The following DLGAP2 variants were observed in gnomAD, a reference collection of about 807,000 sequenced individuals.
DLGAP2 encodes the protein disks large-associated protein 2.
Under a neutral mutation model 100.3 loss-of-function variants are expected in DLGAP2, and 26 were observed. That is an observed-to-expected ratio of 0.26 (90% CI 0.19 to 0.36). The LOEUF (loss-of-function observed/expected upper bound fraction) is 0.36, where lower values mean the gene tolerates loss of function less well. DLGAP2 is among the 10% of genes least tolerant of loss of function. The pLI is 1.00. For synonymous variants in DLGAP2, 886 were observed against 630.1 expected (o/e 1.41, Z -6.08); for missense variants, 1,858 against 1,453.2 (o/e 1.28, Z -4.53).
At chr8:1,689,111 G>A (rs1478500285) in intron 12 of DLGAP2, among the ~76,000 whole-genome samples, 1 of 152,162 alleles carries the variant, frequency 6.6e-6, no homozygotes, top group Non-Finnish European at 1.5e-5. Flanking sequence ...GAGCTGTTGT[G>A]GAAGAACCTA....
intron 3 of DLGAP2, among the ~76,000 whole-genome samples, chr8:1,273,604 C>T (rs935138044): frequency 1.3e-5 from 2 of 152,198 alleles, no homozygotes; most frequent in African/African-American, 2.4e-5. Flanking sequence ...AGAGGCAGCT[C>T]CATCCTTCCC....
intron 3 of DLGAP2, among the ~76,000 whole-genome samples, chr8:1,336,170 C>T (rs1801268672): frequency 6.6e-6 from 1 of 152,266 alleles, no homozygotes; most frequent in Admixed American, 6.5e-5. Flanking sequence ...TGGATTCGTT[C>T]TGAGCATTAA....
intron 3 of DLGAP2, among the ~76,000 whole-genome samples, chr8:1,423,660 C>A (rs4876043): frequency 0.2 from 29,914 of 152,134 alleles, 3,586 homozygotes; most frequent in Non-Finnish European, 0.27. Flanking sequence ...GGAGGAATTG[C>A]TCTGTGCGTT....
chr8:1,520,506 T>G (rs1800556735), intron 4 of DLGAP2, among the ~76,000 whole-genome samples: 1 of 152,006 alleles, frequency 6.6e-6, no homozygotes, highest in South Asian at 2.1e-4. Context: ...TTTGGACGAG[T>G]GTTTAATGGT....
chr8:1,209,289 G>C (rs1798057708), intron 2 of DLGAP2, among the ~76,000 whole-genome samples: 1 of 152,152 alleles, frequency 6.6e-6, no homozygotes, highest in Non-Finnish European at 1.5e-5. Context: ...GCATGGTACT[G>C]GCATAAAAAT....
chr8:1,344,420 T>C (rs896889628), intron 3 of DLGAP2, among the ~76,000 whole-genome samples: 5 of 152,188 alleles, frequency 3.3e-5, no homozygotes, highest in African/African-American at 1.2e-4. Context: ...GCAGCTGCTC[T>C]CCAGATTAGG....
chr8:1,552,365 A>C (rs768063619), intron 5 of DLGAP2, among the ~76,000 whole-genome samples: 1 of 152,180 alleles, frequency 6.6e-6, no homozygotes, highest in Non-Finnish European at 1.5e-5. Flanking sequence ...TCTTCGGGGC[A>C]TGCAGCTCGG....
At chr8:1,411,289 T>G (rs1300375501) in intron 3 of DLGAP2, among the ~76,000 whole-genome samples, 1 of 152,236 alleles carries the variant, frequency 6.6e-6, no homozygotes, top group African/African-American at 2.4e-5. Flanking sequence ...CTATAATAAG[T>G]CAAAGAAAAC....
chr8:1,162,679 T>C (rs1436636058), intron 2 of DLGAP2, among the ~76,000 whole-genome samples: 1 of 152,250 alleles, frequency 6.6e-6, no homozygotes, highest in Non-Finnish European at 1.5e-5. Context: ...TTTCATAATA[T>C]TAATTCCATA....
intron 1 of DLGAP2, among the ~76,000 whole-genome samples, chr8:905,978 C>T (rs1314223786): frequency 5.3e-5 from 8 of 152,234 alleles, no homozygotes; most frequent in Non-Finnish European, 1.0e-4. Context: ...ACTTTATTCC[C>T]GCTTCTTCAA....
chr8:1,676,880 C>T (rs1250675293), intron 11 of DLGAP2, among the ~76,000 whole-genome samples: 2 of 152,218 alleles, frequency 1.3e-5, no homozygotes, highest in East Asian at 1.9e-4. Context: ...GCCTGAAAGT[C>T]AGAGTCCTTG....
chr8:1,027,615 G>C (rs1182994335), intron 2 of DLGAP2, among the ~76,000 whole-genome samples: 2 of 145,914 alleles, frequency 1.4e-5, no homozygotes, highest in East Asian at 2.1e-4. Context: ...TTCTCCAGGT[G>C]GGGTGTCAGG....
rs578020904 is a variant in DLGAP2 at position 1,241,980 on chromosome 8, C to T, written c.74-16871C>T. Among the ~76,000 whole-genome samples, 4 of 152,250 alleles carry T rather than the reference C, an allele frequency of 2.6e-5. No homozygotes were observed. The South Asian group carries it at 6.2e-4, about 24-fold the overall frequency. On this transcript the variant is annotated intron_variant, in intron 2 of 14. Transcript: ENST00000637795. Reference sequence around the variant, plus strand: ...TCTACTGAAACATTCCTTTATGGCCCGAGATGGTCTCTGAGGGAACTCCAG... The same window carrying T: ...TCTACTGAAACATTCCTTTATGGCCTGAGATGGTCTCTGAGGGAACTCCAG...
At chr8:1,122,051 C>T (rs181419076) in intron 2 of DLGAP2, among the ~76,000 whole-genome samples, 9 of 152,260 alleles carry the variant, frequency 5.9e-5, no homozygotes, top group South Asian at 2.1e-4. Context: ...ATTTGCCCCT[C>T]GTGGTAATGC....
At chr8:828,018 G>A (rs1430061708) in intron 1 of DLGAP2, among the ~76,000 whole-genome samples, 25 of 152,172 alleles carry the variant, frequency 1.6e-4, no homozygotes, top group Non-Finnish European at 1.5e-5. Flanking sequence ...AAAGGGGAGG[G>A]AGTATATGAA....
At chr8:1,668,742 A>G in intron 9 of DLGAP2, 64 bp downstream of exon 9, 1 of 1,403,554 alleles carries the variant, frequency 7.1e-7, no homozygotes. Context: ...GCCTAGAATA[A>G]GCCAAAACCC....
At chr8:1,021,532 T>A (rs1050083401) in intron 2 of DLGAP2, among the ~76,000 whole-genome samples, 1 of 152,184 alleles carries the variant, frequency 6.6e-6, no homozygotes, top group Non-Finnish European at 1.5e-5. Context: ...AGATCAACAG[T>A]TTGTGGGCAG....
intron 2 of DLGAP2, among the ~76,000 whole-genome samples, chr8:1,254,049 T>A (rs1799113622): frequency 1.3e-5 from 2 of 152,198 alleles, no homozygotes; most frequent in Admixed American, 1.3e-4. Flanking sequence ...GTGAGCCGCC[T>A]CGTGAGGCTT....
At chr8:797,122 A>G (rs534470784) in intron 1 of DLGAP2, among the ~76,000 whole-genome samples, 5 of 152,314 alleles carry the variant, frequency 3.3e-5, no homozygotes, top group African/African-American at 1.2e-4. Flanking sequence ...AGTGAGTTCC[A>G]TGAGTTTTGA....
Sources: gnomAD v4.1 joint callset for allele counts (sites outside exome capture counted in the v4.1 genomes callset) on GRCh38, gnomAD v4.1.1 for gene constraint, MANE v1.5 for transcripts, NCBI Gene and HGNC (gene_info 2026-07-23, HGNC 2026-07-21) for gene names.